TFEC: variants seen among roughly 807,000 people sequenced by gnomAD.
TFEC encodes transcription factor EC.
TFEC carries 31 observed loss-of-function variants against 41.6 expected under a neutral mutation model. That is an observed-to-expected ratio of 0.74 (90% CI 0.56 to 1.01). The LOEUF (loss-of-function observed/expected upper bound fraction) is 1.01, where lower values mean the gene tolerates loss of function less well. Ranked by LOEUF, TFEC falls within the 50% of genes least tolerant of loss-of-function variation. TFEC has a pLI of 0.00. For synonymous variants in TFEC, 143 were observed against 140.6 expected (o/e 1.02, Z -0.12); for missense variants, 402 against 404.1 (o/e 0.99, Z 0.04).
At chr7:115,979,469 C>A (rs937564071) in intron 2 of TFEC, among the ~76,000 whole-genome samples, 2 of 152,050 alleles carry the variant, frequency 1.3e-5, no homozygotes, top group Admixed American at 6.5e-5. Flanking sequence ...TTGCCCTCAA[C>A]CTGAAGCTCC....
intron 1 of TFEC, among the ~76,000 whole-genome samples, chr7:116,027,969 A>G (rs1324849866): frequency 1.3e-5 from 2 of 152,184 alleles, no homozygotes; most frequent in Non-Finnish European, 2.9e-5. Context: ...CTTTAAGATC[A>G]TTAGGCTCAA....
At chr7:115,958,420 C>A (rs1052357484) in intron 3 of TFEC, among the ~76,000 whole-genome samples, 4 of 151,674 alleles carry the variant, frequency 2.6e-5, no homozygotes, top group African/African-American at 9.7e-5. Flanking sequence ...TTCCACTGTG[C>A]CTTTGAGAAG....
rs964708106 is a variant in TFEC, at chr7:115,937,375, T to C, written c.*3176A>G. ...ATGCCTCTTTTACTATTATGAAAAA[T>C]CTCATTTCTGCAAGAAATATTCTAG... On this transcript the variant is annotated 3_prime_UTR_variant, in exon 8 of 8. Transcript: ENST00000265440. 1.3e-5 allele frequency: 2 copies of C among 151,720 alleles called. No homozygotes were observed. Among genetic ancestry groups the C allele is most frequent in the Non-Finnish European group, 3.0e-5 (2 of 67,728 alleles). The allele number at this position is 151,720 out of a possible 1,614,324, so 9.4% of individuals were successfully genotyped here.
At chr7:116,005,849 G>A (rs764722613) in intron 1 of TFEC, among the ~76,000 whole-genome samples, 4 of 152,166 alleles carry the variant, frequency 2.6e-5, no homozygotes, top group Non-Finnish European at 4.4e-5. Context: ...CCAGTCCCAG[G>A]GTCCCCATGC....
chr7:116,051,112 G>A (rs1796300437), intron 3 of TFEC, among the ~76,000 whole-genome samples: 2 of 152,064 alleles, frequency 1.3e-5, no homozygotes, highest in South Asian at 2.1e-4. Flanking sequence ...ACACTTGGAT[G>A]CAGGGTGGGG....
intron 1 of TFEC, among the ~76,000 whole-genome samples, chr7:116,155,750 T>A (rs1296938031): frequency 9.2e-5 from 14 of 152,204 alleles, no homozygotes; most frequent in Non-Finnish European, 1.6e-4. Flanking sequence ...ACTGAATGAC[T>A]GCTTCTATCT....
intron 3 of TFEC, among the ~76,000 whole-genome samples, chr7:115,961,988 T>C (rs1792580386): frequency 6.6e-6 from 1 of 151,622 alleles, no homozygotes; most frequent in African/African-American, 2.4e-5. Context: ...TGATTTTATG[T>C]ACTGCAGCTT....
rs759353593 is a variant in TFEC, at chr7:115,940,761, T to C, written c.834A>G (p.Gln278=). ...ACAAAGGATCAGAAAAGGCTATAGC[T>C]TGATCACAGAGCTCAGGGCTTGGCC... ...SQGPSPELCD[Q]AIAFSDPLSY... The change falls in exon 8 of 8, where the codon CAA becomes CAG. Residue 278 remains glutamine, a synonymous_variant. Transcript: ENST00000265440. 2.5e-6 allele frequency: 4 copies of C among 1,613,356 alleles called. No homozygotes were observed. The East Asian group carries it at 8.9e-5, about 36-fold the overall frequency.
At chr7:116,014,507 C>A (rs1467899895) in intron 1 of TFEC, among the ~76,000 whole-genome samples, 1 of 152,000 alleles carries the variant, frequency 6.6e-6, no homozygotes, top group Non-Finnish European at 1.5e-5. Context: ...AAAAAAAATT[C>A]ATTGAAAATT....
intron 1 of TFEC, among the ~76,000 whole-genome samples, chr7:116,115,813 T>C (rs1323064222): frequency 6.6e-6 from 1 of 151,982 alleles, no homozygotes; most frequent in Non-Finnish European, 1.5e-5. Context: ...ACCAGCTTGC[T>C]TGCTTCACAG....
At chr7:115,944,922 C>G (rs969969862) in intron 6 of TFEC, among the ~76,000 whole-genome samples, 105 of 150,822 alleles carry the variant, frequency 7.0e-4, no homozygotes, top group African/African-American at 2.4e-3. Flanking sequence ...GCTATTCTTC[C>G]TTTTTTGTTT....
At chr7:115,965,511 AC>A (rs1179013210) in intron 3 of TFEC, among the ~76,000 whole-genome samples, 1 of 151,482 alleles carries the variant, frequency 6.6e-6, no homozygotes, top group Non-Finnish European at 1.5e-5. Context: ...TCAAAATAGC[AC>A]CCTTTTTTTT....
intron 5 of TFEC, among the ~76,000 whole-genome samples, chr7:115,953,468 T>G (rs906060169): frequency 2.6e-5 from 4 of 152,144 alleles, no homozygotes; most frequent in African/African-American, 9.6e-5. Flanking sequence ...AAGAAACACT[T>G]CGATAATGGA....
intron 5 of TFEC, among the ~76,000 whole-genome samples, chr7:115,953,338 T>C (rs1584573456): frequency 6.6e-6 from 1 of 152,086 alleles, no homozygotes; most frequent in African/African-American, 2.4e-5. Flanking sequence ...TACTTTGTAA[T>C]TTTGCTATGA....
chr7:115,991,654 C>A (rs1231504204), intron 1 of TFEC, among the ~76,000 whole-genome samples: 1 of 152,152 alleles, frequency 6.6e-6, no homozygotes, highest in Admixed American at 6.5e-5. Flanking sequence ...GTAAAGGGAT[C>A]AATTTAACAA....
chr7:116,157,897 C>T (rs1303796537), intron 1 of TFEC, among the ~76,000 whole-genome samples: 1 of 152,142 alleles, frequency 6.6e-6, no homozygotes, highest in Non-Finnish European at 1.5e-5. Context: ...GAGGACATGG[C>T]TGTACATTAT....
intron 3 of TFEC, among the ~76,000 whole-genome samples, chr7:116,083,319 A>C (rs1014280259): frequency 6.6e-6 from 1 of 151,884 alleles, no homozygotes; most frequent in African/African-American, 2.4e-5. Flanking sequence ...CATGCCTTAC[A>C]TAAGAACCAA....
Position 116,014,696 on chromosome 7 carries a change from G to A in TFEC, c.-73+15937C>T, listed in dbSNP as rs574296099. On this transcript the variant is annotated intron_variant, in intron 1 of 7. Transcript: ENST00000265440. ...TTACATTATACAAGGAGTTTTGTAT[G>A]TGTTATTAAGTTGCAGACCTTGAGA... Among the ~76,000 whole-genome samples the A allele has an allele frequency of 1.5e-3, 236 of 152,266 alleles. 4 individuals are homozygous for A. The highest frequency in any genetic ancestry group is 5.3e-3 in the African/African-American group (221 of 41,550).
At chr7:116,009,631 A>G (rs946780534) in intron 1 of TFEC, among the ~76,000 whole-genome samples, 1 of 152,140 alleles carries the variant, frequency 6.6e-6, no homozygotes, top group Non-Finnish European at 1.5e-5. Flanking sequence ...AAACCCTTGA[A>G]GGTAAAAGGT....
Sources: allele counts gnomAD v4.1 joint callset (sites outside exome capture counted in the v4.1 genomes callset), GRCh38; gene constraint gnomAD v4.1.1; transcripts MANE v1.5; gene names NCBI Gene and HGNC (gene_info 2026-07-23, HGNC 2026-07-21).